SERINC2: variants seen among roughly 807,000 people sequenced by gnomAD.
SERINC2 encodes tumor differentially expressed protein 2.
In SERINC2, 56 loss-of-function variants were observed where a neutral mutation model predicts 54.2. The observed-to-expected ratio is 1.03, with a 90% CI of 0.83 to 1.29. The LOEUF is 1.29. SERINC2 is among the 50% of genes most tolerant of loss of function. The probability of loss-of-function intolerance (pLI) is 0.00; values close to 1 mark genes in which losing one functional copy is unlikely to be tolerated. For synonymous variants in SERINC2, 272 were observed against 253.1 expected (o/e 1.07, Z -0.71); for missense variants, 614 against 607.4 (o/e 1.01, Z -0.12).
At chr1:31,415,474 A>G (rs1640760219) in intron 1 of SERINC2, among the ~76,000 whole-genome samples, 1 of 152,240 alleles carries the variant, frequency 6.6e-6, no homozygotes, top group Non-Finnish European at 1.5e-5. Flanking sequence ...TTTTACAGAT[A>G]ACTATCCCAA....
chr1:31,432,083 T>TGGACAGGG (rs1557501056), intron 8 of SERINC2, among the ~76,000 whole-genome samples: 3 of 19,392 alleles, frequency 1.5e-4, no homozygotes, highest in Admixed American at 5.1e-4. Flanking sequence ...GACAGGGTGG[T>TGGACAGGG]TAGGGTGGAC....
At chr1:31,429,283 G>A (rs1641128967) in intron 7 of SERINC2, 114 bp from the exon 8 acceptor site, 1 of 1,341,846 alleles carries the variant, frequency 7.5e-7, no homozygotes, top group East Asian at 2.3e-5. Flanking sequence ...GACTTGAGTG[G>A]TTGGCTGTGT....
rs35593581 is a variant in SERINC2 at position 31,424,787 on chromosome 1, C to T, written c.306C>T (p.Phe102=). 5.5e-4 allele frequency: 892 copies of T among 1,612,244 alleles called. 6 individuals carry two copies. Among genetic ancestry groups the T allele is most frequent in the Middle Eastern group, 1.8e-3 (11 of 6,058 alleles). The part of the protein sequence containing the change: ...LGYRAVYRMC[F]ATAAFFFFFT... The stretch of plus-strand genomic sequence containing the variant: ...ACCGCGCTGTCTACCGCATGTGCTT[C>T]GCCACGGCGGCCTTCTTCTTCTTTT... The change falls in exon 3 of 10, where the codon TTC becomes TTT. Residue 102 remains phenylalanine (F), a synonymous_variant. Coordinates refer to ENST00000373709, the MANE Select transcript of SERINC2 (RefSeq NM_178865.5).
chr1:31,432,552 G>C (rs1336121737), intron 8 of SERINC2, among the ~76,000 whole-genome samples: 2 of 152,248 alleles, frequency 1.3e-5, no homozygotes, highest in African/African-American at 4.8e-5. Context: ...AATGGATGTA[G>C]TACCTGGTAT....
Position 31,429,441 on chromosome 1 carries a change from A to T in SERINC2, c.916A>T (p.Thr306Ser). 6.2e-7 allele frequency: 1 copy of T among 1,613,902 alleles called. No individual in the cohort carries two copies. The highest frequency in any genetic ancestry group is 8.5e-7 in the Non-Finnish European group (1 of 1,179,906). The change falls in exon 8 of 10, where the codon ACA (threonine) becomes TCA (serine). Residue 306 changes from threonine to serine, a missense_variant. Coordinates refer to ENST00000373709, the MANE Select transcript of SERINC2 (RefSeq NM_178865.5). ...TTTGCCAACCCAGCTGGGCAACGAG[A>T]CAGTTGTGGCAGGCCCCGAGGGCTA... Reference protein sequence around the residue: ...PHLPTQLGNETVVAGPEGYET... With the variant: ...PHLPTQLGNESVVAGPEGYET...
In SERINC2 at chr1:31,413,950, C is replaced by T. The variant is rs928432048; in HGVS notation, c.39+646C>T. On this transcript the variant is annotated intron_variant, in intron 1 of 9. Coordinates refer to ENST00000373709, the MANE Select transcript of SERINC2 (RefSeq NM_178865.5). This position sits in a 1 kb window ranked among gnomAD's most constrained non-coding sequence, Gnocchi z 5.0. ...CCTTTACCGTCCTCAGTCTGGCTCG[C>T]GCTGCCTCTCAGGCACTTCCCCAGC... 3.3e-6 allele frequency: 5 copies of T among 1,526,824 alleles called. No individual in the cohort carries two copies. In the African/African-American group the frequency reaches 4.1e-5, roughly 13 times the overall value. The allele number at this position is 1,526,824 out of a possible 1,614,324, so 94.6% of individuals were successfully genotyped here.
chr1:31,413,220 G>T lies in SERINC2; in HGVS notation c.-46G>T, dbSNP rs2148509317. On this transcript the variant is annotated 5_prime_UTR_variant, in exon 1 of 10. Coordinates refer to ENST00000373709, the MANE Select transcript of SERINC2 (RefSeq NM_178865.5). This position sits in a 1 kb window ranked among gnomAD's most constrained non-coding sequence, Gnocchi z 5.0. ...GCCCGGCACCCGGATCCCGAGGTCC[G>T]CGCCCCGCGCCCGGCGCCGGGCGCC... is the stretch of plus-strand genomic sequence containing the variant. 1.8e-6 allele frequency: 2 copies of T among 1,103,208 alleles called. No individual in the cohort carries two copies. The highest frequency in any genetic ancestry group is 8.0e-5 in the South Asian group (2 of 24,942). 68.3% of individuals were successfully genotyped at this position (1,103,208 alleles called of 1,614,324 possible).
At chr1:31,431,685 C>A (rs1480976211) in intron 8 of SERINC2, among the ~76,000 whole-genome samples, 2 of 151,930 alleles carry the variant, frequency 1.3e-5, no homozygotes, top group Non-Finnish European at 2.9e-5. Context: ...CATATGCAAC[C>A]CATGAGGGCC....
chr1:31,414,747 C>T, intron 1 of SERINC2: 1 of 985,492 alleles, frequency 1.0e-6, no homozygotes, highest in Non-Finnish European at 1.2e-6. Flanking sequence ...AGAGCTTCCA[C>T]AGTGGACCTG....
At chr1:31,429,631 A>G (rs1641142504) in intron 8 of SERINC2, 93 bp downstream of exon 8, 1 of 1,350,234 alleles carries the variant, frequency 7.4e-7, no homozygotes, top group Non-Finnish European at 1.0e-6. Flanking sequence ...ACCAAACTGG[A>G]ACGTGCTCTT....
At chr1:31,421,794 A>G (rs1044218971) in intron 1 of SERINC2, among the ~76,000 whole-genome samples, 5 of 152,050 alleles carry the variant, frequency 3.3e-5, no homozygotes, top group African/African-American at 1.2e-4. Flanking sequence ...GCTGGTGCCT[A>G]TGTGGTCTGG....
chr1:31,432,296 C>G (rs1164001925), intron 8 of SERINC2, among the ~76,000 whole-genome samples: 3 of 151,144 alleles, frequency 2.0e-5, no homozygotes, highest in African/African-American at 7.3e-5. Flanking sequence ...TGGAATCCAG[C>G]TCTCCTTTTC....
upstream of SERINC2, among the ~76,000 whole-genome samples, chr1:31,410,676 C>A (rs1439827569): frequency 6.6e-6 from 1 of 152,230 alleles, no homozygotes; most frequent in Non-Finnish European, 1.5e-5. Context: ...AACAGAATAA[C>A]CCTACCTATT....
At chr1:31,432,071 TGGACAG>T (rs1641275283) in intron 8 of SERINC2, among the ~76,000 whole-genome samples, 6 of 130,808 alleles carry the variant, frequency 4.6e-5, no homozygotes, top group South Asian at 2.6e-4. Flanking sequence ...GTGGACAGGG[TGGACAG>T]GGTGGTTAGG....
intron 8 of SERINC2, 23 bp downstream of exon 8, chr1:31,429,561 G>C (rs574291182): frequency 6.3e-7 from 1 of 1,576,960 alleles, no homozygotes; most frequent in South Asian, 1.2e-5. Context: ...CTGGATTCTG[G>C]GGAAGGATCA....
At chr1:31,427,307 C>T (rs1266940579) in intron 6 of SERINC2, among the ~76,000 whole-genome samples, 1 of 152,128 alleles carries the variant, frequency 6.6e-6, no homozygotes, top group African/African-American at 2.4e-5. Context: ...GCAGGAGCTC[C>T]CAGAGGAACT....
chr1:31,426,643 C>T lies in SERINC2; in HGVS notation c.611-11C>T. ...CCCACTGCCTACCCTCTCACTACCC[C>T]TCTGGCCCAGGCCTCTTCTTCTTCA... On this transcript the variant is annotated splice_polypyrimidine_tract_variant and intron_variant, in intron 5 of 9. Coordinates refer to ENST00000373709, the MANE Select transcript of SERINC2 (RefSeq NM_178865.5). 6.3e-7 allele frequency: 1 copy of T among 1,599,374 alleles called. No homozygotes were observed. Among genetic ancestry groups the T allele is most frequent in the Non-Finnish European group, 8.6e-7 (1 of 1,168,866 alleles).
intron 2 of SERINC2, among the ~76,000 whole-genome samples, chr1:31,424,352 T>C (rs1277791053): frequency 6.6e-6 from 1 of 152,158 alleles, no homozygotes; most frequent in Non-Finnish European, 1.5e-5. Context: ...CCCAAGCATC[T>C]CAGATGGTTC....
At chr1:31,429,147 C>A in intron 7 of SERINC2, 79 bp downstream of exon 7, 1 of 1,307,392 alleles carries the variant, frequency 7.6e-7, no homozygotes, top group Non-Finnish European at 1.1e-6. Context: ...TGGGGACCCT[C>A]ACAGGTGACA....
Sources: allele counts gnomAD v4.1 joint callset (sites outside exome capture counted in the v4.1 genomes callset), GRCh38; gene constraint gnomAD v4.1.1; non-coding constraint Gnocchi (gnomAD v3.1); transcripts MANE v1.5; gene names NCBI Gene and HGNC (gene_info 2026-07-23, HGNC 2026-07-21).